The following HHLA1 variants were observed in gnomAD, a reference collection of about 807,000 sequenced individuals.
HHLA1 encodes the protein HHLA1 neighbor of OC90.
A neutral mutation model predicts 69.9 loss-of-function variants in HHLA1; 72 were observed. That is an observed-to-expected ratio of 1.03 (90% CI 0.85 to 1.25). The LOEUF is 1.25. Among genes scored for constraint, HHLA1 ranks in the 50% most tolerant of loss-of-function variants. The pLI is 0.00. For synonymous variants in HHLA1, 252 were observed against 233.2 expected, an observed-to-expected ratio of 1.08 and a Z score of -0.73; for missense variants, 685 against 642.2, an observed-to-expected ratio of 1.07 and a Z score of -0.72.
intron 7 of HHLA1, among the ~76,000 whole-genome samples, chr8:132,093,775 C>T (rs1823978998): frequency 6.6e-6 from 1 of 152,002 alleles, no homozygotes; most frequent in Admixed American, 6.6e-5. Context: ...AGGGACTCAC[C>T]CAGCACAGAC....
At chr8:132,075,272 G>A (rs1380138169) in intron 14 of HHLA1, among the ~76,000 whole-genome samples, 1 of 152,174 alleles carries the variant, frequency 6.6e-6, no homozygotes, top group African/African-American at 2.4e-5. Flanking sequence ...ATGACTGGAT[G>A]GTCCAGGAGC....
chr8:132,079,594 G>C, intron 11 of HHLA1, 124 bp downstream of exon 11: 6 of 1,060,600 alleles, frequency 5.7e-6, no homozygotes, highest in Non-Finnish European at 6.7e-6. Context: ...ATTTAAGTAA[G>C]CTGAAGCGTA....
chr8:132,066,034 G>T (rs923331198), intron 15 of HHLA1, 66 bp from the exon 16 acceptor site: 2 of 642,344 alleles, frequency 3.1e-6, no homozygotes, highest in Non-Finnish European at 5.2e-6. Flanking sequence ...GACAGCCAGA[G>T]TTTTAAAGGT....
At chr8:132,082,521 T>G (rs980407540) in intron 10 of HHLA1, among the ~76,000 whole-genome samples, 2 of 152,082 alleles carry the variant, frequency 1.3e-5, no homozygotes, top group African/African-American at 4.8e-5. Flanking sequence ...CGTGTGTTTT[T>G]ATGAGAATTA....
At chr8:132,064,559 A>G (rs1823404723) in intron 16 of HHLA1, among the ~76,000 whole-genome samples, 1 of 152,140 alleles carries the variant, frequency 6.6e-6, no homozygotes, top group East Asian at 1.9e-4. Context: ...ATGCAGGATG[A>G]AGGTGATGAT....
rs1174400109 is a variant in HHLA1, at chr8:132,063,663, C to T, written c.*332G>A. On this transcript the variant is annotated 3_prime_UTR_variant, in exon 17 of 17. Coordinates refer to ENST00000414222, the MANE Select transcript of HHLA1 (RefSeq NM_001145095.3). The stretch of plus-strand genomic sequence containing the variant: ...GCAGGCTAGAGTGCCCACGCATCCC[C>T]AGTTTTTAAATTGTCAGGATTGCCT... 2 of 165,640 alleles carry T rather than the reference C, an allele frequency of 1.2e-5. No individual in the cohort carries two copies. Among genetic ancestry groups the T allele is most frequent in the African/African-American group, 2.4e-5 (1 of 42,268 alleles). 10.3% of individuals were successfully genotyped at this position (165,640 alleles called of 1,614,324 possible).
chr8:132,097,394 T>C lies in HHLA1; in HGVS notation c.280+1488A>G, dbSNP rs143017690. On this transcript the variant is annotated intron_variant, in intron 5 of 16. Coordinates refer to ENST00000414222, the MANE Select transcript of HHLA1 (RefSeq NM_001145095.3). Reference sequence around the variant, plus strand: ...CTTTGGGCTAGATCACAAACCTGGATTAAACAGTTCTGAATTCCAACTCTA... The same window carrying C: ...CTTTGGGCTAGATCACAAACCTGGACTAAACAGTTCTGAATTCCAACTCTA... Among the ~76,000 whole-genome samples, 536 of 152,288 alleles carry C rather than the reference T, an allele frequency of 3.5e-3. 2 individuals are homozygous for C. The highest frequency in any genetic ancestry group is 0.012 in the African/African-American group (517 of 41,554).
chr8:132,094,177 G>A (rs1323738725), intron 7 of HHLA1, among the ~76,000 whole-genome samples: 2 of 55,556 alleles, frequency 3.6e-5, no homozygotes, highest in African/African-American at 9.3e-5. Context: ...AGAAGAGTTT[G>A]TAATATGGTG....
intron 10 of HHLA1, 76 bp downstream of exon 10, chr8:132,087,577 C>A: frequency 2.3e-6 from 2 of 873,162 alleles, no homozygotes; most frequent in South Asian, 1.5e-5. Flanking sequence ...CTGAGGGCAG[C>A]TTTCAGTCAT....
At chr8:132,096,567 A>C (rs1033918479) in intron 5 of HHLA1, among the ~76,000 whole-genome samples, 8 of 152,164 alleles carry the variant, frequency 5.3e-5, no homozygotes. Context: ...GAATACATGC[A>C]TGAGCATCTT....
chr8:132,077,575 A>T, intron 12 of HHLA1, 151 bp downstream of exon 12: 1 of 768,930 alleles, frequency 1.3e-6, no homozygotes, highest in Non-Finnish European at 2.0e-6. Flanking sequence ...AGGGCAAAGG[A>T]AAGGAGAAGG....
intron 7 of HHLA1, among the ~76,000 whole-genome samples, chr8:132,095,280 A>G (rs142225238): frequency 6.6e-6 from 1 of 152,222 alleles, no homozygotes; most frequent in Non-Finnish European, 1.5e-5. Flanking sequence ...ATTTTCCCTC[A>G]TGATGGATAT....
intron 16 of HHLA1, among the ~76,000 whole-genome samples, chr8:132,064,629 T>C (rs1460334020): frequency 3.3e-5 from 5 of 151,888 alleles, no homozygotes; most frequent in Admixed American, 2.0e-4. Flanking sequence ...GGACCCTGTG[T>C]TTGGGAAAGA....
intron 7 of HHLA1, among the ~76,000 whole-genome samples, chr8:132,090,639 A>G (rs983433127): frequency 2.6e-5 from 4 of 152,220 alleles, no homozygotes; most frequent in African/African-American, 9.6e-5. Flanking sequence ...ATATCCGCAC[A>G]GGCACATTTT....
rs1172482303 is a variant in HHLA1, at chr8:132,063,793, A to G, written c.*202T>C. 1 of 207,872 alleles carries G rather than the reference A, an allele frequency of 4.8e-6. No individual in the cohort carries two copies. The highest frequency in any genetic ancestry group is 2.2e-5 in the African/African-American group (1 of 44,652). 12.9% of individuals were successfully genotyped at this position (207,872 alleles called of 1,614,324 possible). On this transcript the variant is annotated 3_prime_UTR_variant, in exon 17 of 17. Transcript: ENST00000414222. ...ATTAATTGTGAGGCCTCTAACAAGA[A>G]AACTTCTACCTTCAATGTTTTGCAC...
intron 8 of HHLA1, among the ~76,000 whole-genome samples, chr8:132,088,404 A>T (rs1432779845): frequency 6.6e-6 from 1 of 152,264 alleles, no homozygotes; most frequent in African/African-American, 2.4e-5. Context: ...GTGTTTGATT[A>T]CACTGGGCTT....
At chr8:132,074,320 C>T (rs1350185496) in intron 14 of HHLA1, among the ~76,000 whole-genome samples, 1 of 151,370 alleles carries the variant, frequency 6.6e-6, no homozygotes, top group African/African-American at 2.4e-5. Flanking sequence ...TCTTTTTTTT[C>T]AATTGCAGCT....
intron 15 of HHLA1, among the ~76,000 whole-genome samples, chr8:132,067,201 G>C (rs971828818): frequency 6.6e-6 from 1 of 152,164 alleles, no homozygotes; most frequent in African/African-American, 2.4e-5. Context: ...AGGAAATAGA[G>C]CCGCTCCTGG....
intron 7 of HHLA1, among the ~76,000 whole-genome samples, chr8:132,094,151 T>C (rs4504611): frequency 0.88 from 134,078 of 152,184 alleles, 59,689 homozygotes; most frequent in Middle Eastern, 0.95. Context: ...GGTTACATAG[T>C]CATTACAAGT....
Sources: gnomAD v4.1 joint callset for allele counts (sites outside exome capture counted in the v4.1 genomes callset) on GRCh38, gnomAD v4.1.1 for gene constraint, MANE v1.5 for transcripts, NCBI Gene and HGNC (gene_info 2026-07-23, HGNC 2026-07-21) for gene names.